Variants in PRORP observed in about 807,000 individuals in gnomAD.
The protein encoded by PRORP is mitochondrial ribonuclease P catalytic subunit.
A neutral mutation model predicts 59.4 loss-of-function variants in PRORP; 51 were observed. The observed-to-expected ratio is 0.86, with a 90% CI of 0.69 to 1.08. PRORP has a LOEUF of 1.08. Among genes scored for constraint, PRORP ranks in the 50% least tolerant of loss-of-function variants. PRORP has a pLI of 0.00. For synonymous variants in PRORP, 231 were observed against 245.6 expected (o/e 0.94, Z 0.55); for missense variants, 646 against 690.3 (o/e 0.94, Z 0.72).
chr14:35,277,568 C>T lies in PRORP; in HGVS notation c.*4002C>T, dbSNP rs1178233155. On this transcript the variant is annotated 3_prime_UTR_variant, in exon 8 of 8. Transcript: ENST00000534898. ...CATAGAAATTAACAGGATGAAAATA[C>T]AAGAGACAGGAACACAGATGAATAA... 1 of 152,118 alleles carries T rather than the reference C, an allele frequency of 6.6e-6. No individual in the cohort carries two copies. The highest frequency in any genetic ancestry group is 1.5e-5 in the Non-Finnish European group (1 of 68,014). 9.4% of individuals were successfully genotyped at this position (152,118 alleles called of 1,614,324 possible). A position where few individuals can be genotyped will look rare whatever the true frequency, so the allele number is the denominator to read the frequency against.
At chr14:35,125,204 G>C (rs1218798461) in intron 2 of PRORP, among the ~76,000 whole-genome samples, 1 of 152,108 alleles carries the variant, frequency 6.6e-6, no homozygotes, top group Non-Finnish European at 1.5e-5. Flanking sequence ...GATGATTAGA[G>C]TGGACAGGGG....
chr14:35,132,521 G>A (rs183666003), intron 4 of PRORP, among the ~76,000 whole-genome samples: 5 of 147,916 alleles, frequency 3.4e-5, no homozygotes, highest in South Asian at 4.3e-4. Context: ...TGTGGCTCAC[G>A]CCTGTAATCC....
chr14:35,167,251 A>G (rs1268170991), intron 4 of PRORP, among the ~76,000 whole-genome samples: 1 of 152,196 alleles, frequency 6.6e-6, no homozygotes, highest in Non-Finnish European at 1.5e-5. Flanking sequence ...GGTAAAGTAA[A>G]CTTGCTTGAG....
chr14:35,239,944 G>A (rs1247465983), intron 5 of PRORP, among the ~76,000 whole-genome samples: 5 of 151,960 alleles, frequency 3.3e-5, no homozygotes, highest in Non-Finnish European at 7.4e-5. Context: ...GCGTGGTGGC[G>A]TGCGCCTGTA....
At chr14:35,217,500 C>CAAA (rs1226022740) in intron 5 of PRORP, among the ~76,000 whole-genome samples, 12 of 73,822 alleles carry the variant, frequency 1.6e-4, no homozygotes, top group African/African-American at 5.6e-4. Context: ...GACTCTGTCT[C>CAAA]AAAAAAAAAA....
chr14:35,130,153 C>T (rs2047203332), intron 4 of PRORP, among the ~76,000 whole-genome samples: 1 of 151,826 alleles, frequency 6.6e-6, no homozygotes, highest in South Asian at 2.1e-4. Flanking sequence ...GCCTCAGCCT[C>T]CCGAGTAGCT....
At chr14:35,148,688 TTCTAGATGGCA>T (rs976100520) in intron 4 of PRORP, among the ~76,000 whole-genome samples, 99 of 152,240 alleles carry the variant, frequency 6.5e-4, no homozygotes, top group African/African-American at 2.3e-3. Context: ...GCTATGAAAA[TTCTAGATGGCA>T]TCTTCTTCCA....
intron 4 of PRORP, among the ~76,000 whole-genome samples, chr14:35,152,612 C>G (rs1249234339): frequency 1.3e-5 from 2 of 151,696 alleles, no homozygotes; most frequent in Middle Eastern, 3.4e-3. Context: ...GCTGACCCCC[C>G]CACCTCCGCC....
chr14:35,153,205 C>A (rs759333716), intron 4 of PRORP, among the ~76,000 whole-genome samples: 1 of 152,232 alleles, frequency 6.6e-6, no homozygotes, highest in African/African-American at 2.4e-5. Flanking sequence ...CCGGCCAACA[C>A]AGCGAAACCC....
intron 7 of PRORP, among the ~76,000 whole-genome samples, chr14:35,273,025 T>G (rs1293679218): frequency 1.3e-5 from 2 of 152,156 alleles, no homozygotes; most frequent in Non-Finnish European, 2.9e-5. Context: ...AACACAGTTT[T>G]TTGTTGTTGT....
intron 4 of PRORP, among the ~76,000 whole-genome samples, chr14:35,129,208 C>CA (rs926171480): frequency 3.1e-4 from 46 of 146,480 alleles, no homozygotes; most frequent in South Asian, 2.8e-3. Context: ...AACTCCATCT[C>CA]AAAAAAAAAA....
intron 5 of PRORP, among the ~76,000 whole-genome samples, chr14:35,198,807 C>T (rs1422343404): frequency 1.3e-5 from 2 of 151,592 alleles, no homozygotes; most frequent in African/African-American, 2.4e-5. Flanking sequence ...GCTGAGCGGG[C>T]AGATCACGAG....
intron 5 of PRORP, among the ~76,000 whole-genome samples, chr14:35,197,036 AT>A (rs574956683): frequency 2.9e-4 from 44 of 152,308 alleles, no homozygotes; most frequent in African/African-American, 1.1e-3. Flanking sequence ...TTGAAACAAG[AT>A]TTCCCCAATT....
At chr14:35,125,085 G>A (rs959350133) in intron 2 of PRORP, among the ~76,000 whole-genome samples, 12 of 151,746 alleles carry the variant, frequency 7.9e-5, no homozygotes, top group East Asian at 1.9e-4. Context: ...GGCTGCTCTC[G>A]AACTACCTCA....
chr14:35,179,501 C>T (rs944560464), intron 4 of PRORP, among the ~76,000 whole-genome samples: 2 of 152,314 alleles, frequency 1.3e-5, no homozygotes, highest in South Asian at 4.1e-4. Flanking sequence ...TCTTCCATCA[C>T]TGATACCCTT....
intron 5 of PRORP, among the ~76,000 whole-genome samples, chr14:35,245,556 G>T (rs1038889088): frequency 2.6e-5 from 4 of 152,108 alleles, no homozygotes; most frequent in Admixed American, 2.0e-4. Flanking sequence ...GAGGAAGGAG[G>T]ATCGCTTGAG....
rs1378324843 is a variant in PRORP at position 35,140,337 on chromosome 14, C to T, written c.1167+12726C>T. Among the ~76,000 whole-genome samples the T allele has an allele frequency of 1.4e-5, 2 of 145,256 alleles. 1 individual carries two copies. Among genetic ancestry groups the T allele is most frequent in the African/African-American group, 4.9e-5 (2 of 40,954 alleles). On this transcript the variant is annotated intron_variant, in intron 4 of 7. Coordinates refer to ENST00000534898, the MANE Select transcript of PRORP (RefSeq NM_014672.4). ...GAGTATGAGGGCTATAGTAGCCCCA[C>T]ATCCTGGCTGATGCTTAGTATGGTT...
At chr14:35,156,190 GAGCCTA>G (rs1299798626) in intron 4 of PRORP, among the ~76,000 whole-genome samples, 1 of 152,200 alleles carries the variant, frequency 6.6e-6, no homozygotes, top group East Asian at 1.9e-4. Flanking sequence ...ATGAACCTGA[GAGCCTA>G]TGTCCCCAAC....
intron 4 of PRORP, among the ~76,000 whole-genome samples, chr14:35,152,597 C>T (rs965161240): frequency 2.6e-5 from 4 of 151,480 alleles, no homozygotes; most frequent in Admixed American, 1.3e-4. Flanking sequence ...GCTGGCCGGG[C>T]GGGGGCTGAC....
Sources: gnomAD v4.1 joint callset for allele counts (sites outside exome capture counted in the v4.1 genomes callset) on GRCh38, gnomAD v4.1.1 for gene constraint, MANE v1.5 for transcripts, NCBI Gene and HGNC (gene_info 2026-07-23, HGNC 2026-07-21) for gene names.